Variants in LAMA4 observed in about 807,000 individuals in gnomAD.
LAMA4 encodes laminin subunit alpha-4.
In LAMA4, 127 loss-of-function variants were observed where a neutral mutation model predicts 207.1. The observed-to-expected ratio is 0.61, with a 90% CI of 0.53 to 0.71. LAMA4 has a LOEUF of 0.71. LAMA4 is among the 30% of genes least tolerant of loss of function. The pLI is 0.00. For missense variants in LAMA4, 2,093 were observed against 2,246.5 expected, an observed-to-expected ratio of 0.93 and a Z score of 1.38; for synonymous variants, 761 against 816.0, an observed-to-expected ratio of 0.93 and a Z score of 1.15.
intron 12 of LAMA4, among the ~76,000 whole-genome samples, chr6:112,167,943 C>A (rs1366794373): frequency 6.6e-6 from 1 of 151,836 alleles, no homozygotes; most frequent in Admixed American, 6.6e-5. Flanking sequence ...CGCGGTGGCT[C>A]ACGCCTGTAA....
intron 14 of LAMA4, among the ~76,000 whole-genome samples, 192 bp downstream of exon 14, chr6:112,158,540 A>AAC (rs1780859254): frequency 6.6e-6 from 1 of 151,368 alleles, no homozygotes; most frequent in African/African-American, 2.4e-5. Flanking sequence ...CTCAGATGGA[A>AAC]CAACCAACCA....
chr6:112,137,747 A>G (rs1779440096), intron 24 of LAMA4, among the ~76,000 whole-genome samples: 1 of 152,260 alleles, frequency 6.6e-6, no homozygotes, highest in African/African-American at 2.4e-5. Context: ...TTTGCTGGCT[A>G]CTTCCTACAA....
chr6:112,167,968 G>A lies in LAMA4; in HGVS notation c.1552-2692C>T, dbSNP rs187310671. Among the ~76,000 whole-genome samples the A allele has an allele frequency of 3.7e-4, 57 of 152,120 alleles. No individual in the cohort carries two copies. The East Asian group carries it at 8.4e-3, about 22-fold the overall frequency. ...CACGCCTGTAATCCCAGCACTTTGG[G>A]AGGCCGAGGCAGGCAGATCACAAGG... On this transcript the variant is annotated intron_variant, in intron 12 of 38. Transcript: ENST00000230538.
intron 10 of LAMA4, among the ~76,000 whole-genome samples, chr6:112,176,396 T>A (rs1554343751): frequency 6.6e-6 from 1 of 152,224 alleles, no homozygotes; most frequent in Non-Finnish European, 1.5e-5. Context: ...TACTATGATC[T>A]ATGTGGTTGA....
intron 2 of LAMA4, chr6:112,236,542 AAT>A (rs1345387070): frequency 6.6e-6 from 1 of 152,186 alleles, no homozygotes; most frequent in Admixed American, 6.5e-5. Flanking sequence ...ACAGTTGTTC[AAT>A]ATCAACAGCT....
intron 31 of LAMA4, among the ~76,000 whole-genome samples, chr6:112,125,030 C>T (rs1276569473): frequency 6.6e-6 from 1 of 152,170 alleles, no homozygotes; most frequent in South Asian, 2.1e-4. Context: ...GCTGGGATTA[C>T]AGGCGTGAGC....
intron 36 of LAMA4, among the ~76,000 whole-genome samples, 194 bp downstream of exon 36, chr6:112,115,669 G>A (rs1357325434): frequency 3.3e-5 from 5 of 151,952 alleles, no homozygotes; most frequent in African/African-American, 1.2e-4. Context: ...ATGACTCTTT[G>A]TTTTAACCAA....
At chr6:112,128,828 A>G in intron 31 of LAMA4, 94 bp downstream of exon 31, 3 of 1,075,540 alleles carry the variant, frequency 2.8e-6, no homozygotes, top group Non-Finnish European at 4.3e-6. Flanking sequence ...CGTAGTTGCA[A>G]AGTATCAAGT....
chr6:112,242,471 A>C (rs1213550858), intron 2 of LAMA4, among the ~76,000 whole-genome samples: 3 of 152,222 alleles, frequency 2.0e-5, no homozygotes, highest in Admixed American at 2.0e-4. Flanking sequence ...TTCAAAATTC[A>C]AGCCCACCTG....
At chr6:112,121,990 T>C in intron 32 of LAMA4, 24 bp downstream of exon 32, 2 of 1,599,578 alleles carry the variant, frequency 1.3e-6, no homozygotes, top group Non-Finnish European at 1.7e-6. Context: ...ATTAGGAGTC[T>C]AGGAGTATAG....
chr6:112,130,069 C>G (rs201120794), intron 29 of LAMA4, 29 bp from the exon 30 acceptor site: 25 of 1,601,704 alleles, frequency 1.6e-5, no homozygotes, highest in Non-Finnish European at 2.1e-5. Flanking sequence ...TCTTTACATA[C>G]CACAGAGCTA....
rs782051686 is a variant in LAMA4 at position 112,201,575 on chromosome 6, C to A, written c.503+33G>T. ...TGAGAAACAGAAAGCTTCCTTTGACCCACACAGAAAATAGAGAATTTTATT... is the reference window on the plus strand; with the variant it reads ...TGAGAAACAGAAAGCTTCCTTTGACACACACAGAAAATAGAGAATTTTATT... On this transcript the variant is annotated intron_variant, in intron 5 of 38. Transcript: ENST00000230538. The A allele has an allele frequency of 3.2e-6, 5 of 1,554,208 alleles. No individual in the cohort carries two copies. In the East Asian group the frequency reaches 1.1e-4, roughly 35 times the overall value.
Position 112,132,883 on chromosome 6 carries a change from C to T in LAMA4, c.3704G>A (p.Arg1235His), listed in dbSNP as rs559725422. The T allele has an allele frequency of 4.3e-5, 70 of 1,612,760 alleles. No individual in the cohort carries two copies. Among genetic ancestry groups the T allele is most frequent in the African/African-American group, 2.9e-4 (22 of 74,978 alleles). The change falls in exon 28 of 39, where the codon CGC (arginine) becomes CAC (histidine). Residue 1235 changes from arginine to histidine, a missense_variant. By Grantham distance (29) the Arg-to-His change is conservative. Transcript: ENST00000230538. The stretch of plus-strand genomic sequence containing the variant: ...GCTCTGTCCATTGAAATATGCTCTG[C>T]GAGATATCTGTGTGCCAGAACAAGT... ...YGCPEDSLISRRAYFNGQSFI... is the reference protein window; with the variant it reads ...YGCPEDSLISHRAYFNGQSFI...
At chr6:112,166,897 A>ACAACAG (rs1454913683) in intron 12 of LAMA4, among the ~76,000 whole-genome samples, 6 of 152,194 alleles carry the variant, frequency 3.9e-5, no homozygotes, top group South Asian at 2.1e-4. Context: ...GTCAACAACA[A>ACAACAG]CAACAGCAAC....
chr6:112,207,039 G>A lies in LAMA4; in HGVS notation c.404C>T (p.Pro135Leu), dbSNP rs782018719. 5.0e-6 allele frequency: 8 copies of A among 1,613,882 alleles called. No individual in the cohort carries two copies. Among genetic ancestry groups the A allele is most frequent in the Non-Finnish European group, 6.8e-6 (8 of 1,179,926 alleles). ...APQFCQPCPC[P>L]LPHLANFAES... is the part of the protein sequence containing the mutation. ...GACTTACTTGGCCAAGTGGGGCAGG[G>A]GACAGGGGCACGGCTGGCAGAATTG... Residue 135 changes from proline (P) to leucine (L), a missense_variant, in exon 4 of 39, where the codon CCC (proline) becomes CTC (leucine). Around this residue, in one of 3 missense-constraint regions of LAMA4, gnomAD observed 1,704 missense variants for 1,788.4 expected, o/e 0.95. Transcript: ENST00000230538.
chr6:112,253,923 C>T lies in LAMA4; in HGVS notation c.195+33G>A. 3 of 1,611,366 alleles carry T rather than the reference C, an allele frequency of 1.9e-6. No individual in the cohort carries two copies. The South Asian group carries it at 3.3e-5, about 18-fold the overall frequency. ...GCACAGCCCGCGGGGGCGCAGGTGC[C>T]CCAGCAGGGTGGCAATGGCAGGGAC... On this transcript the variant is annotated intron_variant, in intron 2 of 38. Transcript: ENST00000230538.
In LAMA4 at chr6:112,175,395, C is replaced by A. The variant is rs782618132; in HGVS notation, c.1275G>T (p.Lys425Asn). 3.4e-5 allele frequency: 55 copies of A among 1,614,068 alleles called. No homozygotes were observed. The highest frequency in any genetic ancestry group is 4.2e-5 in the Non-Finnish European group (49 of 1,180,012). The change falls in exon 11 of 39, where the codon AAG becomes AAT. Residue 425 changes from lysine (K) to asparagine (N), a missense_variant. Transcript: ENST00000230538. ...GACGGCTTCTAATCTCTTCAAGCATCTTCTGGGCCAACACCAGCTTCTCAG... is the reference window on the plus strand; with the variant it reads ...GACGGCTTCTAATCTCTTCAAGCATATTCTGGGCCAACACCAGCTTCTCAG... ...EISEKLVLAQ[K>N]MLEEIRSRQP...
rs782145143 is a variant in LAMA4 at position 112,165,177 on chromosome 6, G to A, written c.1651C>T (p.Leu551Phe). Residue 551 changes from leucine (L) to phenylalanine (F), a missense_variant, in exon 13 of 39, where the codon CTT (leucine) becomes TTT (phenylalanine). Around this residue, in one of 3 missense-constraint regions of LAMA4, gnomAD observed 1,704 missense variants for 1,788.4 expected, o/e 0.95. Transcript: ENST00000230538. ...GTCCTTACCTTTATTATATCATCAA[G>A]TTCTGAAAGAGTTAGACGAGGTGTT... The part of the protein sequence containing the change: ...LTTPRLTLSE[L>F]DDIIKNASGI... 6 of 1,605,118 alleles carry A rather than the reference G, an allele frequency of 3.7e-6. No homozygotes were observed. Among genetic ancestry groups the A allele is most frequent in the Non-Finnish European group, 8.5e-7 (1 of 1,171,922 alleles).
chr6:112,190,930 T>TTCTTTCTTTC (rs1783031825), intron 6 of LAMA4, among the ~76,000 whole-genome samples: 6 of 79,802 alleles, frequency 7.5e-5, no homozygotes, highest in African/African-American at 3.2e-4. Flanking sequence ...TTTCTTTCTT[T>TTCTTTCTTTC]CTTTCTTTCT....
Sources: gnomAD v4.1 joint callset for allele counts (sites outside exome capture counted in the v4.1 genomes callset) on GRCh38, gnomAD v4.1.1 for gene constraint, gnomAD v4.1.1 regional missense constraint, MANE v1.5 for transcripts, NCBI Gene and HGNC (gene_info 2026-07-23, HGNC 2026-07-21) for gene names.